CCT3: variants seen among roughly 807,000 people sequenced by gnomAD.
The protein encoded by CCT3 is chaperonin containing TCP1 subunit 3.
In CCT3, 10 loss-of-function variants were observed where a neutral mutation model predicts 65.3. The observed-to-expected ratio is 0.15, with a 90% CI of 0.09 to 0.26. The LOEUF (loss-of-function observed/expected upper bound fraction) is 0.26, where lower values mean the gene tolerates loss of function less well. Ranked by LOEUF, CCT3 falls within the 10% of genes least tolerant of loss-of-function variation. The probability of loss-of-function intolerance (pLI) is 1.00; values close to 1 mark genes in which losing one functional copy is unlikely to be tolerated. For missense variants in CCT3, 626 were observed against 708.7 expected (o/e 0.88, Z 1.33); for synonymous variants, 225 against 242.3 (o/e 0.93, Z 0.66).
At chr1:156,335,086 G>C (rs569575351) in intron 2 of CCT3, 168 bp from the exon 3 acceptor site, 2 of 590,716 alleles carry the variant, frequency 3.4e-6, no homozygotes, top group Non-Finnish European at 5.7e-6. Flanking sequence ...GCTCGGGCTG[G>C]TCTCAAACCC....
chr1:156,322,500 CA>C (rs201839297), intron 6 of CCT3, among the ~76,000 whole-genome samples: 1 of 151,594 alleles, frequency 6.6e-6, no homozygotes, highest in Non-Finnish European at 1.5e-5. Context: ...CCCGCCACCC[CA>C]AAAAAATTTT....
chr1:156,327,466 T>C (rs1394021235), intron 5 of CCT3, among the ~76,000 whole-genome samples: 1 of 152,026 alleles, frequency 6.6e-6, no homozygotes, highest in Non-Finnish European at 1.5e-5. Flanking sequence ...GGTTTTCGTA[T>C]TTTTTTGGTG....
chr1:156,334,949 C>T, intron 2 of CCT3, 31 bp from the exon 3 acceptor site: 2 of 1,604,662 alleles, frequency 1.2e-6, no homozygotes, highest in Non-Finnish European at 1.7e-6. Context: ...AATACGCAAG[C>T]ACAAATCAGA....
chr1:156,325,459 T>C (rs1664759253), intron 5 of CCT3, among the ~76,000 whole-genome samples: 1 of 151,986 alleles, frequency 6.6e-6, no homozygotes, highest in Non-Finnish European at 1.5e-5. Flanking sequence ...GCCCAGGAGG[T>C]TGAGGGTGCA....
rs763246933 is a variant in CCT3 at position 156,317,261 on chromosome 1, A to G, written c.893-14T>C. The G allele has an allele frequency of 6.2e-7, 1 of 1,613,112 alleles. No individual in the cohort carries two copies. Among genetic ancestry groups the G allele is most frequent in the East Asian group, 2.2e-5 (1 of 44,884 alleles). On this transcript the variant is annotated splice_polypyrimidine_tract_variant and intron_variant, in intron 9 of 13. Coordinates refer to ENST00000295688, the MANE Select transcript of CCT3 (RefSeq NM_005998.5). ...GCTGAGCTAAATCTACAAATCCAAGAGTAGAGATGTCAAGCTGGGTTCTGA... is the reference window on the plus strand; with the variant it reads ...GCTGAGCTAAATCTACAAATCCAAGGGTAGAGATGTCAAGCTGGGTTCTGA...
Position 156,314,104 on chromosome 1 carries a change from A to AC in CCT3, c.975-1884_975-1883insG, listed in dbSNP as rs1215649044. Among the ~76,000 whole-genome samples, 828 of 136,766 alleles carry AC rather than the reference A, an allele frequency of 6.1e-3. 8 individuals carry two copies. Among genetic ancestry groups the AC allele is most frequent in the Non-Finnish European group, 8.9e-3 (567 of 63,610 alleles). The allele number at this position is 136,766 out of a possible 152,430, so 89.7% of individuals were successfully genotyped here. A position where few individuals can be genotyped will look rare whatever the true frequency, so the allele number is the denominator to read the frequency against. ...CTGTCTCCAAAAAAAAAAAAAAAAAAGTCAACATTATGAAAGAGAACCCCA... is the reference window on the plus strand; with the variant it reads ...CTGTCTCCAAAAAAAAAAAAAAAAAACGTCAACATTATGAAAGAGAACCCCA... On this transcript the variant is annotated intron_variant, in intron 10 of 13. Coordinates refer to ENST00000295688, the MANE Select transcript of CCT3 (RefSeq NM_005998.5).
At chr1:156,313,794 T>C (rs1280349427) in intron 10 of CCT3, among the ~76,000 whole-genome samples, 2 of 152,132 alleles carry the variant, frequency 1.3e-5, no homozygotes, top group African/African-American at 2.4e-5. Flanking sequence ...TGGTACTTCA[T>C]GTAAAGAACC....
chr1:156,326,649 CAAAAAAAAA>C, intron 5 of CCT3, among the ~76,000 whole-genome samples: 1 of 65,712 alleles, frequency 1.5e-5, no homozygotes, highest in Non-Finnish European at 2.9e-5. Context: ...GACTCCATCT[CAAAAAAAAA>C]AAAAAAAAGA....
At chr1:156,310,515 T>A (rs778815617) in intron 13 of CCT3, 43 bp downstream of exon 13, 1 of 1,411,008 alleles carries the variant, frequency 7.1e-7, no homozygotes, top group South Asian at 1.5e-5. Flanking sequence ...GATAAATAAA[T>A]AAATTAATTA....
chr1:156,324,670 C>T (rs1196956223), intron 6 of CCT3, among the ~76,000 whole-genome samples: 1 of 152,046 alleles, frequency 6.6e-6, no homozygotes, highest in Non-Finnish European at 1.5e-5. Flanking sequence ...GCTCTGTCAC[C>T]AGGCTGGAGC....
At chr1:156,322,923 CACAGA>C (rs1460938335) in intron 6 of CCT3, among the ~76,000 whole-genome samples, 2 of 152,176 alleles carry the variant, frequency 1.3e-5, no homozygotes, top group Non-Finnish European at 2.9e-5. Flanking sequence ...TCTACATTCT[CACAGA>C]GCTTACTGCA....
At chr1:156,313,198 G>A (rs1163459033) in intron 10 of CCT3, among the ~76,000 whole-genome samples, 1 of 151,942 alleles carries the variant, frequency 6.6e-6, no homozygotes, top group African/African-American at 2.4e-5. Context: ...AATTAGCCAG[G>A]TGTCATGGCA....
At chr1:156,332,330 A>G (rs1018402258) in intron 5 of CCT3, among the ~76,000 whole-genome samples, 1 of 152,206 alleles carries the variant, frequency 6.6e-6, no homozygotes, top group Non-Finnish European at 1.5e-5. Context: ...ATTTTTTAAA[A>G]CCAGTGTTTC....
At chr1:156,328,510 TAAG>T (rs1664960296) in intron 5 of CCT3, among the ~76,000 whole-genome samples, 1 of 152,050 alleles carries the variant, frequency 6.6e-6, no homozygotes, top group Non-Finnish European at 1.5e-5. Flanking sequence ...TGTTCTGTAC[TAAG>T]AAAAATTCTT....
At chr1:156,332,203 G>A (rs539140612) in intron 5 of CCT3, among the ~76,000 whole-genome samples, 154 of 152,196 alleles carry the variant, frequency 1.0e-3, no homozygotes, top group African/African-American at 3.6e-3. Context: ...TTACAGTGAC[G>A]CGGTCTCTCC....
At chr1:156,325,940 C>A (rs1376813903) in intron 5 of CCT3, among the ~76,000 whole-genome samples, 3 of 151,948 alleles carry the variant, frequency 2.0e-5, no homozygotes, top group Non-Finnish European at 4.4e-5. Flanking sequence ...AAGAAAAATG[C>A]ACAAAAGAAA....
intron 3 of CCT3, 34 bp from the exon 4 acceptor site, chr1:156,334,809 C>T (rs1665263933): frequency 6.2e-7 from 1 of 1,613,504 alleles, no homozygotes; most frequent in South Asian, 1.1e-5. Flanking sequence ...TTTAAAGTGT[C>T]CTAGATAACA....
At chr1:156,317,330 G>GC in intron 9 of CCT3, 83 bp from the exon 10 acceptor site, 2 of 1,585,774 alleles carry the variant, frequency 1.3e-6, no homozygotes, top group Non-Finnish European at 1.7e-6. Context: ...ACACTATTAC[G>GC]CCCCTGCCAA....
chr1:156,330,297 C>A (rs932234663), intron 5 of CCT3, among the ~76,000 whole-genome samples: 3 of 152,222 alleles, frequency 2.0e-5, no homozygotes, highest in African/African-American at 4.8e-5. Flanking sequence ...CTCAAAAGAA[C>A]TGGATCTAAA....
Sources: gnomAD v4.1 joint callset for allele counts (sites outside exome capture counted in the v4.1 genomes callset) on GRCh38, gnomAD v4.1.1 for gene constraint, MANE v1.5 for transcripts, NCBI Gene and HGNC (gene_info 2026-07-23, HGNC 2026-07-21) for gene names.